The following DAB1 variants were observed in gnomAD, a reference collection of about 807,000 sequenced individuals.
The protein encoded by DAB1 is DAB adaptor protein 1.
In DAB1, 15 loss-of-function variants were observed where a neutral mutation model predicts 64.6. The observed-to-expected ratio is 0.23, with a 90% CI of 0.16 to 0.36. The LOEUF (loss-of-function observed/expected upper bound fraction) is 0.36. Ranked by LOEUF, DAB1 falls within the 10% of genes least tolerant of loss-of-function variation. The probability of loss-of-function intolerance (pLI) is 1.00; values close to 1 mark genes in which losing one functional copy is unlikely to be tolerated. For synonymous variants in DAB1, 235 were observed against 251.9 expected, an observed-to-expected ratio of 0.93 and a Z score of 0.64; for missense variants, 596 against 706.7, an observed-to-expected ratio of 0.84 and a Z score of 1.78.
chr1:58,246,042 G>T (rs2100390860), intron 4 of DAB1, among the ~76,000 whole-genome samples: 1 of 152,252 alleles, frequency 6.6e-6, no homozygotes, highest in African/African-American at 2.4e-5. Context: ...GTATTTAGGT[G>T]GGGTGGGGGA....
At chr1:57,687,386 G>A (rs1390534211) in intron 6 of DAB1, among the ~76,000 whole-genome samples, 3 of 151,856 alleles carry the variant, frequency 2.0e-5, no homozygotes, top group Non-Finnish European at 4.4e-5. Flanking sequence ...AAAGAAATCA[G>A]AGACAACACA....
At chr1:57,797,832 G>A (rs527867356) in intron 6 of DAB1, among the ~76,000 whole-genome samples, 35 of 147,908 alleles carry the variant, frequency 2.4e-4, no homozygotes, top group Admixed American at 1.5e-3. Context: ...GGGTTTTCAG[G>A]AAGACTAAAT....
At chr1:57,773,542 A>G (rs1649659633) in intron 6 of DAB1, among the ~76,000 whole-genome samples, 1 of 151,946 alleles carries the variant, frequency 6.6e-6, no homozygotes, top group Non-Finnish European at 1.5e-5. Flanking sequence ...TTTTCATGTT[A>G]TGTTCTATGA....
intron 5 of DAB1, among the ~76,000 whole-genome samples, chr1:58,099,302 C>A (rs1356362840): frequency 6.6e-6 from 1 of 152,178 alleles, no homozygotes; most frequent in African/African-American, 2.4e-5. Context: ...GCTTATCCTG[C>A]ATATTTTACT....
chr1:57,347,373 A>T (rs1187471883), intron 1 of DAB1, among the ~76,000 whole-genome samples: 1 of 152,162 alleles, frequency 6.6e-6, no homozygotes, highest in Non-Finnish European at 1.5e-5. Context: ...TTTCTCACCC[A>T]ATATATTAAG....
chr1:57,221,108 G>A (rs1666830554), intron 2 of DAB1, among the ~76,000 whole-genome samples: 1 of 152,168 alleles, frequency 6.6e-6, no homozygotes, highest in East Asian at 1.9e-4. Context: ...AGACATGGAT[G>A]AAGCTGGAAA....
At chr1:57,963,873 T>C (rs1645587952) in intron 5 of DAB1, among the ~76,000 whole-genome samples, 1 of 152,206 alleles carries the variant, frequency 6.6e-6, no homozygotes, top group Non-Finnish European at 1.5e-5. Context: ...TAAGCTGTAT[T>C]GACAGCAAAC....
chr1:57,239,755 TA>T (rs1008936632), intron 2 of DAB1, among the ~76,000 whole-genome samples: 1 of 151,834 alleles, frequency 6.6e-6, no homozygotes, highest in Non-Finnish European at 1.5e-5. Context: ...GGTTCCTCTT[TA>T]AAAAAAAATC....
chr1:58,035,596 C>A (rs1324967610), intron 5 of DAB1, among the ~76,000 whole-genome samples: 1 of 148,410 alleles, frequency 6.7e-6, no homozygotes, highest in Non-Finnish European at 1.5e-5. Context: ...GAATTCACAT[C>A]CAAATTGTTT....
intron 7 of DAB1, among the ~76,000 whole-genome samples, chr1:57,590,186 C>T (rs148840032): frequency 7.9e-5 from 12 of 152,260 alleles, no homozygotes; most frequent in African/African-American, 2.4e-4. Context: ...TGCCTCTTCA[C>T]GTGGTCTTTC....
chr1:57,720,204 C>G (rs1032966603), intron 6 of DAB1, among the ~76,000 whole-genome samples: 2 of 152,348 alleles, frequency 1.3e-5, no homozygotes, highest in East Asian at 3.9e-4. Context: ...CTCCGATGCA[C>G]TGCACACCAT....
At chr1:57,406,995 G>A (rs997010842) in intron 1 of DAB1, among the ~76,000 whole-genome samples, 5 of 152,154 alleles carry the variant, frequency 3.3e-5, no homozygotes, top group Admixed American at 2.6e-4. Flanking sequence ...TACTTCCTCT[G>A]GAGTTTTCTG....
intron 7 of DAB1, among the ~76,000 whole-genome samples, chr1:57,433,204 A>G (rs1685576504): frequency 6.6e-6 from 1 of 152,182 alleles, no homozygotes; most frequent in African/African-American, 2.4e-5. Context: ...AAAAACTGAC[A>G]AGTAAATTAA....
chr1:57,689,113 G>A lies in DAB1; in HGVS notation n.552-39448C>T, dbSNP rs72679234. On this transcript the variant is annotated intron_variant and non_coding_transcript_variant, in intron 6 of 20. Coordinates refer to the DAB1 transcript ENST00000485760. ...AAAGAAGAAAGCAAAACATTTTGAG[G>A]GAAAATGAGTCCTTGAAATTCCTTC... is the stretch of plus-strand genomic sequence containing the variant. Among the ~76,000 whole-genome samples, 1,152 of 152,198 alleles carry A rather than the reference G, an allele frequency of 7.6e-3. 4 individuals carry two copies. Among genetic ancestry groups the A allele is most frequent in the Non-Finnish European group, 0.013 (916 of 67,992 alleles).
intron 7 of DAB1, among the ~76,000 whole-genome samples, chr1:57,465,775 ATGAG>A (rs1443248528): frequency 6.6e-6 from 1 of 152,204 alleles, no homozygotes; most frequent in Non-Finnish European, 1.5e-5. Context: ...GAATGAATGA[ATGAG>A]TGAATCTTTC....
intron 5 of DAB1, among the ~76,000 whole-genome samples, chr1:58,094,699 C>T (rs1650879506): frequency 3.3e-5 from 5 of 152,232 alleles, no homozygotes; most frequent in Non-Finnish European, 7.3e-5. Flanking sequence ...ACCCATCTCT[C>T]TATCATAACA....
At chr1:58,424,087 G>C (rs1485859386) in intron 3 of DAB1, among the ~76,000 whole-genome samples, 1 of 152,184 alleles carries the variant, frequency 6.6e-6, no homozygotes, top group African/African-American at 2.4e-5. Flanking sequence ...TCTCAGCAGA[G>C]AGGTGAAGGG....
intron 1 of DAB1, among the ~76,000 whole-genome samples, chr1:57,832,698 G>A (rs948262839): frequency 1.3e-5 from 2 of 152,092 alleles, no homozygotes; most frequent in African/African-American, 4.8e-5. Context: ...TTCAATTTCT[G>A]GGGGGGCAAA....
At chr1:57,737,351 C>T (rs1326789896) in intron 6 of DAB1, among the ~76,000 whole-genome samples, 1 of 152,214 alleles carries the variant, frequency 6.6e-6, no homozygotes, top group African/African-American at 2.4e-5. Flanking sequence ...TATCATGTCA[C>T]AGTTTACAAC....
Sources: allele counts gnomAD v4.1 joint callset (sites outside exome capture counted in the v4.1 genomes callset), GRCh38; gene constraint gnomAD v4.1.1; transcripts MANE v1.5; gene names NCBI Gene and HGNC (gene_info 2026-07-23, HGNC 2026-07-21).